Variants in ABCA13 observed in about 807,000 individuals in gnomAD.
ABCA13 encodes ATP binding cassette subfamily A member 13.
Under a neutral mutation model 478.7 loss-of-function variants are expected in ABCA13, and 476 were observed. The observed-to-expected ratio is 0.99, with a 90% CI of 0.92 to 1.07. The LOEUF (loss-of-function observed/expected upper bound fraction) is 1.07, where lower values mean the gene tolerates loss of function less well. Ranked by LOEUF, ABCA13 falls within the 50% of genes least tolerant of loss-of-function variation. ABCA13 has a pLI of 0.00. For missense variants in ABCA13, 6,060 were observed against 5,910.6 expected (o/e 1.03, Z -0.83); for synonymous variants, 2,252 against 2,158.9 (o/e 1.04, Z -1.20).
intron 59 of ABCA13, among the ~76,000 whole-genome samples, chr7:48,626,169 G>A (rs1793645587): frequency 6.6e-6 from 1 of 152,204 alleles, no homozygotes; most frequent in South Asian, 2.1e-4. Context: ...TAAGAACTGG[G>A]CTAGACACTC....
At chr7:48,560,342 TCCTC>T (rs1786324261) in intron 55 of ABCA13, among the ~76,000 whole-genome samples, 1 of 152,136 alleles carries the variant, frequency 6.6e-6, no homozygotes, top group South Asian at 2.1e-4. Flanking sequence ...ACTGTGCTCT[TCCTC>T]CCCCAAGTGC....
chr7:48,354,293 C>T (rs997955167), intron 31 of ABCA13, among the ~76,000 whole-genome samples: 2 of 151,986 alleles, frequency 1.3e-5, no homozygotes, highest in Non-Finnish European at 2.9e-5. Context: ...TGCTCCGGTT[C>T]ACAGGAGGAG....
Position 48,224,607 on chromosome 7 carries a change from C to T in ABCA13, c.469-2655C>T, listed in dbSNP as rs577204685. Among the ~76,000 whole-genome samples the T allele has an allele frequency of 1.6e-4, 24 of 151,928 alleles. No individual in the cohort carries two copies. In the South Asian group the frequency reaches 5.0e-3, roughly 32 times the overall value. ...GAGTATCAATATGTTGTTTTTTTAC[C>T]TTATTTTTAAATGGGAAATAAAAAT... On this transcript the variant is annotated intron_variant, in intron 5 of 61. Transcript: ENST00000435803.
chr7:48,195,586 A>G (rs1797816993), intron 2 of ABCA13, among the ~76,000 whole-genome samples: 1 of 152,088 alleles, frequency 6.6e-6, no homozygotes, highest in Non-Finnish European at 1.5e-5. Context: ...GGATTTGGGG[A>G]GCTGTGCTCA....
At chr7:48,280,006 G>A in intron 18 of ABCA13, 86 bp downstream of exon 18, 4 of 1,326,576 alleles carry the variant, frequency 3.0e-6, no homozygotes, top group Admixed American at 3.4e-5. Context: ...AGTGAATCGG[G>A]GTAAGTAGTT....
chr7:48,212,800 TAG>T (rs1452848825), intron 3 of ABCA13, among the ~76,000 whole-genome samples: 14 of 152,174 alleles, frequency 9.2e-5, no homozygotes, highest in African/African-American at 3.4e-4. Context: ...ATTGAATTCT[TAG>T]AGTTTTTTTA....
In ABCA13 at chr7:48,279,339, A is replaced by G; in HGVS notation, c.8145A>G (p.Glu2715=). ...PQDIKWEIIH[E]VIPFLDKILS... ...ATATAAAATGGGAAATAATTCATGA[A>G]GTGATCCCTTTTTTGGATAAAATAT... Residue 2715 remains glutamate, a synonymous_variant, in exon 18 of 62, where the codon GAA becomes GAG. Transcript: ENST00000435803. 6.3e-7 allele frequency: 1 copy of G among 1,586,272 alleles called. No individual in the cohort carries two copies. Among genetic ancestry groups the G allele is most frequent in the Non-Finnish European group, 8.6e-7 (1 of 1,163,956 alleles).
At chr7:48,256,164 T>G (rs2128710937) in intron 15 of ABCA13, among the ~76,000 whole-genome samples, 1 of 152,252 alleles carries the variant, frequency 6.6e-6, no homozygotes, top group African/African-American at 2.4e-5. Flanking sequence ...TGCTTGTTGG[T>G]TTTTTAAATT....
intron 44 of ABCA13, among the ~76,000 whole-genome samples, chr7:48,467,437 T>A (rs1827004321): frequency 6.6e-6 from 1 of 152,164 alleles, no homozygotes; most frequent in Non-Finnish European, 1.5e-5. Flanking sequence ...AATTATATAT[T>A]TTTTTAACTT....
intron 22 of ABCA13, 109 bp from the exon 23 acceptor site, chr7:48,298,257 G>A (rs1323903502): frequency 8.2e-6 from 8 of 970,448 alleles, no homozygotes; most frequent in Non-Finnish European, 1.0e-5. Flanking sequence ...TGGGTTGAAT[G>A]GTGTGAAAGA....
chr7:48,410,827 T>G, intron 40 of ABCA13, 150 bp downstream of exon 40: 2 of 1,148,994 alleles, frequency 1.7e-6, no homozygotes, highest in African/African-American at 1.5e-5. Flanking sequence ...CCCAGGCCTG[T>G]GCAGGGAGCA....
intron 55 of ABCA13, among the ~76,000 whole-genome samples, chr7:48,539,372 T>C (rs1279260466): frequency 1.3e-5 from 2 of 152,152 alleles, no homozygotes; most frequent in Non-Finnish European, 2.9e-5. Flanking sequence ...AATTCATCCA[T>C]TGCAAAATGG....
chr7:48,610,911 T>G (rs563532680), intron 58 of ABCA13, among the ~76,000 whole-genome samples: 1 of 152,272 alleles, frequency 6.6e-6, no homozygotes, highest in Admixed American at 6.5e-5. Context: ...TCTTCCCTCC[T>G]AGGCTTCCAG....
intron 31 of ABCA13, among the ~76,000 whole-genome samples, chr7:48,354,432 T>G (rs1180725793): frequency 6.6e-6 from 1 of 152,022 alleles, no homozygotes; most frequent in African/African-American, 2.4e-5. Context: ...AGTTTTCAAT[T>G]CCTACTGATC....
chr7:48,278,040 ACT>A (rs1262986211), intron 17 of ABCA13, 52 bp from the exon 18 acceptor site: 1 of 610,064 alleles, frequency 1.6e-6, no homozygotes, highest in African/African-American at 1.9e-5. Flanking sequence ...TAATATTTCC[ACT>A]GTTAATGTAT....
intron 1 of ABCA13, among the ~76,000 whole-genome samples, chr7:48,191,597 G>T (rs1250141346): frequency 6.6e-6 from 1 of 152,018 alleles, no homozygotes; most frequent in Non-Finnish European, 1.5e-5. Flanking sequence ...TGGTAGAGAT[G>T]CAGTTTCACC....
At chr7:48,277,295 C>T (rs1034468629) in intron 17 of ABCA13, among the ~76,000 whole-genome samples, 5 of 152,160 alleles carry the variant, frequency 3.3e-5, no homozygotes, top group Non-Finnish European at 5.9e-5. Flanking sequence ...GCTCCTTGTC[C>T]ACAGTGGTCA....
intron 1 of ABCA13, among the ~76,000 whole-genome samples, chr7:48,178,132 A>G (rs886765646): frequency 3.3e-5 from 5 of 152,020 alleles, no homozygotes; most frequent in South Asian, 4.1e-4. Context: ...CTTTAATTTC[A>G]ATTGATCTGA....
Position 48,271,903 on chromosome 7 carries a change from C to T in ABCA13, c.2237C>T (p.Pro746Leu). ...FVEFFEKLLL[P>L]NLFDSSIVPS... ...GAATTTTTTGAGAAATTATTGTTGC[C>T]TAATCTTTTTGACTCCTCCATTGTT... is the stretch of plus-strand genomic sequence containing the variant. The change falls in exon 17 of 62, where the codon CCT becomes CTT. Residue 746 changes from proline to leucine, a missense_variant. Coordinates refer to ENST00000435803, the MANE Select transcript of ABCA13 (RefSeq NM_152701.5). 1 of 1,613,112 alleles carries T rather than the reference C, an allele frequency of 6.2e-7. No individual in the cohort carries two copies. The highest frequency in any genetic ancestry group is 8.5e-7 in the Non-Finnish European group (1 of 1,179,482).
Sources: allele counts gnomAD v4.1 joint callset (sites outside exome capture counted in the v4.1 genomes callset), GRCh38; gene constraint gnomAD v4.1.1; transcripts MANE v1.5; gene names NCBI Gene and HGNC (gene_info 2026-07-23, HGNC 2026-07-21).